ATAD2B: variants seen among roughly 807,000 people sequenced by gnomAD.
ATAD2B encodes ATPase family AAA domain-containing protein 2B.
A neutral mutation model predicts 167.6 loss-of-function variants in ATAD2B; 40 were observed. That is an observed-to-expected ratio of 0.24 (90% CI 0.19 to 0.31). The LOEUF (loss-of-function observed/expected upper bound fraction) is 0.31. ATAD2B is among the 10% of genes least tolerant of loss of function. ATAD2B has a pLI of 1.00. For missense variants in ATAD2B, 1,242 were observed against 1,757.2 expected, an observed-to-expected ratio of 0.71 and a Z score of 5.24; for synonymous variants, 579 against 596.5, an observed-to-expected ratio of 0.97 and a Z score of 0.43.
chr2:23,736,748 A>C, the ATAD2B span, among the ~76,000 whole-genome samples: 1 of 152,154 alleles, frequency 6.6e-6, no homozygotes, highest in African/African-American at 2.4e-5. Context: ...GTGAGACACC[A>C]CCTCACCCAG....
intron 7 of ATAD2B, among the ~76,000 whole-genome samples, chr2:23,876,168 A>G (rs1329366247): frequency 1.3e-5 from 2 of 151,404 alleles, no homozygotes; most frequent in African/African-American, 4.9e-5. Flanking sequence ...TAATTTTTGT[A>G]TTTTTAGTAG....
rs778305262 is a variant in ATAD2B at position 23,782,862 on chromosome 2, T to G, written c.3133+7A>C. 2 of 1,605,414 alleles carry G rather than the reference T, an allele frequency of 1.2e-6. No individual in the cohort carries two copies. Among genetic ancestry groups the G allele is most frequent in the Non-Finnish European group, 1.7e-6 (2 of 1,175,752 alleles). On this transcript the variant is annotated splice_region_variant and intron_variant, in intron 22 of 27. Coordinates refer to ENST00000238789, the MANE Select transcript of ATAD2B (RefSeq NM_017552.4). Reference sequence around the variant, plus strand: ...ATCAAGGGGAACCTTGCCCTATGCATCCTTACCTCCTGGGTCCTTATCTGG... The same window carrying G: ...ATCAAGGGGAACCTTGCCCTATGCAGCCTTACCTCCTGGGTCCTTATCTGG...
chr2:23,828,074 T>G (rs1688508345), intron 15 of ATAD2B, among the ~76,000 whole-genome samples: 1 of 145,828 alleles, frequency 6.9e-6, no homozygotes, highest in Non-Finnish European at 1.5e-5. Flanking sequence ...AAGATTGGGT[T>G]TTTTTTTTTT....
chr2:23,828,558 A>T (rs1434034458), intron 15 of ATAD2B, among the ~76,000 whole-genome samples: 3 of 152,146 alleles, frequency 2.0e-5, no homozygotes, highest in African/African-American at 7.2e-5. Context: ...TCTAAGAGGG[A>T]ATGATATTCA....
At chr2:23,904,657 C>A (rs1470344564) in intron 1 of ATAD2B, among the ~76,000 whole-genome samples, 9 of 150,152 alleles carry the variant, frequency 6.0e-5, no homozygotes, top group African/African-American at 2.2e-4. Context: ...GAAAACACCT[C>A]AAAGAGACAA....
chr2:23,885,418 A>G (rs1051235548), intron 5 of ATAD2B, among the ~76,000 whole-genome samples: 1 of 152,210 alleles, frequency 6.6e-6, no homozygotes, highest in African/African-American at 2.4e-5. Context: ...CATCAACATC[A>G]AGGTGTTTTT....
At chr2:23,900,145 T>G (rs1315680877) in intron 1 of ATAD2B, among the ~76,000 whole-genome samples, 1 of 151,926 alleles carries the variant, frequency 6.6e-6, no homozygotes, top group Non-Finnish European at 1.5e-5. Context: ...CTCAAACTCC[T>G]GACCTCGTGA....
At chr2:23,740,740 T>C in the ATAD2B span, among the ~76,000 whole-genome samples, 1 of 152,248 alleles carries the variant, frequency 6.6e-6, no homozygotes, top group South Asian at 2.1e-4. Flanking sequence ...GGCATTCGAT[T>C]AGGAAAAGAG....
the ATAD2B span, among the ~76,000 whole-genome samples, chr2:23,720,621 A>G: frequency 5.4e-5 from 8 of 149,524 alleles, no homozygotes; most frequent in Middle Eastern, 3.5e-3. Flanking sequence ...GGAGGCACCC[A>G]GTGTCTGCAG....
rs964077779 is a variant in ATAD2B at position 23,924,043 on chromosome 2, C to T, written c.216+2512G>A. On this transcript the variant is annotated intron_variant, in intron 1 of 27. Coordinates refer to ENST00000238789, the MANE Select transcript of ATAD2B (RefSeq NM_017552.4). ...TAAAAATACAAAAAAATTAGCCGGG[C>T]GTGGTGGCGGGCGCCTGTAGTCCCA... is the stretch of plus-strand genomic sequence containing the variant. Among the ~76,000 whole-genome samples the T allele has an allele frequency of 2.6e-4, 39 of 152,144 alleles. 1 individual carries two copies. Among genetic ancestry groups the T allele is most frequent in the African/African-American group, 9.2e-4 (38 of 41,522 alleles).
chr2:23,824,935 C>T (rs72782137), intron 15 of ATAD2B, among the ~76,000 whole-genome samples: 18,177 of 151,858 alleles, frequency 0.12, 1,169 homozygotes, highest in Middle Eastern at 0.22. Flanking sequence ...ACAAACAATA[C>T]CAGGTTTATT....
chr2:23,790,177 G>C (rs1430018713), intron 19 of ATAD2B, among the ~76,000 whole-genome samples: 1 of 152,140 alleles, frequency 6.6e-6, no homozygotes, highest in East Asian at 1.9e-4. Flanking sequence ...CATCATGCCA[G>C]ACACTGCAGT....
At chr2:23,913,666 G>C (rs181360091) in intron 1 of ATAD2B, among the ~76,000 whole-genome samples, 2 of 151,030 alleles carry the variant, frequency 1.3e-5, no homozygotes, top group East Asian at 1.9e-4. Context: ...AATTCTAGTT[G>C]GATCTTCTGA....
At chr2:23,691,876 G>A in the ATAD2B span, 12 of 1,548,200 alleles carry the variant, frequency 7.8e-6, no homozygotes, top group African/African-American at 2.7e-5. Flanking sequence ...GTCCTTTCTC[G>A]GTGAGCCCGG....
At chr2:23,753,936 T>C (rs1031647600) in intron 27 of ATAD2B, among the ~76,000 whole-genome samples, 1 of 152,082 alleles carries the variant, frequency 6.6e-6, no homozygotes, top group Non-Finnish European at 1.5e-5. Context: ...CCTAGAACCA[T>C]GGATTTCTGT....
chr2:23,726,400 A>G, the ATAD2B span, among the ~76,000 whole-genome samples: 18 of 152,382 alleles, frequency 1.2e-4, no homozygotes, highest in South Asian at 3.3e-3. Context: ...ATGTGAATAT[A>G]CTGTATTCTT....
At chr2:23,911,016 C>A (rs184540983) in intron 1 of ATAD2B, among the ~76,000 whole-genome samples, 1 of 151,418 alleles carries the variant, frequency 6.6e-6, no homozygotes, top group Non-Finnish European at 1.5e-5. Flanking sequence ...CACCTGAAGT[C>A]GGGAGTTCGA....
At chr2:23,728,007 A>G in the ATAD2B span, among the ~76,000 whole-genome samples, 1 of 152,214 alleles carries the variant, frequency 6.6e-6, no homozygotes, top group African/African-American at 2.4e-5. Context: ...CATTTGTCAA[A>G]GCCCACAGAA....
the ATAD2B span, among the ~76,000 whole-genome samples, chr2:23,678,743 A>T: frequency 6.6e-6 from 1 of 152,240 alleles, no homozygotes. Context: ...AAAAGGAGGG[A>T]AATCCTGATG....
Sources: gnomAD v4.1 joint callset for allele counts (sites outside exome capture counted in the v4.1 genomes callset) on GRCh38, gnomAD v4.1.1 for gene constraint, MANE v1.5 for transcripts, NCBI Gene and HGNC (gene_info 2026-07-23, HGNC 2026-07-21) for gene names.